The following TANC1 variants were observed in gnomAD, a reference collection of about 807,000 sequenced individuals.
TANC1 encodes protein TANC1.
A neutral mutation model predicts 149.7 loss-of-function variants in TANC1; 77 were observed. That is an observed-to-expected ratio of 0.51 (90% confidence interval 0.43 to 0.62). The LOEUF is 0.62. Among genes scored for constraint, TANC1 ranks in the 20% least tolerant of loss-of-function variants. The probability of loss-of-function intolerance (pLI) is 0.00; values close to 1 mark genes in which losing one functional copy is unlikely to be tolerated. For synonymous variants in TANC1, 854 were observed against 925.0 expected (o/e 0.92, Z 1.39); for missense variants, 1,985 against 2,321.8 (o/e 0.85, Z 2.98).
chr2:159,002,620 G>C (rs1261040545), intron 2 of TANC1, among the ~76,000 whole-genome samples: 2 of 152,242 alleles, frequency 1.3e-5, no homozygotes, highest in African/African-American at 2.4e-5. Flanking sequence ...TCTGGGTGCA[G>C]ATGTGGGTTT....
intron 2 of TANC1, among the ~76,000 whole-genome samples, chr2:159,061,703 C>T (rs752394887): frequency 5.9e-5 from 9 of 152,140 alleles, no homozygotes; most frequent in Non-Finnish European, 1.2e-4. Flanking sequence ...GGGGTGTCAG[C>T]CATGAACTTT....
intron 4 of TANC1, among the ~76,000 whole-genome samples, chr2:159,119,476 C>A (rs1262902332): frequency 2.6e-5 from 4 of 152,182 alleles, no homozygotes; most frequent in African/African-American, 9.6e-5. Context: ...TGTAATAAAT[C>A]ATTGTATATT....
intron 2 of TANC1, among the ~76,000 whole-genome samples, chr2:159,003,814 G>A (rs1043288072): frequency 1.3e-5 from 2 of 152,180 alleles, no homozygotes; most frequent in African/African-American, 2.4e-5. Flanking sequence ...TGGTGTTGGA[G>A]GACCCTCCCT....
intron 2 of TANC1, among the ~76,000 whole-genome samples, chr2:159,032,335 G>A (rs2039849917): frequency 6.6e-6 from 1 of 152,198 alleles, no homozygotes; most frequent in Non-Finnish European, 1.5e-5. Context: ...GCACATTGCA[G>A]TTGGATACAG....
At chr2:159,187,124 G>A in intron 16 of TANC1, 100 bp downstream of exon 16, 1 of 1,349,974 alleles carries the variant, frequency 7.4e-7, no homozygotes, top group South Asian at 1.4e-5. Flanking sequence ...GTGGTGGTGA[G>A]AGGACGCAGA....
intron 2 of TANC1, chr2:159,004,241 A>G: frequency 1.9e-6 from 3 of 1,612,304 alleles, no homozygotes; most frequent in Non-Finnish European, 2.5e-6. Flanking sequence ...CACCAAAACC[A>G]GAAGACATTG....
intron 12 of TANC1, 106 bp from the exon 13 acceptor site, chr2:159,176,246 A>G (rs1298492439): frequency 8.5e-6 from 5 of 591,102 alleles, no homozygotes; most frequent in Non-Finnish European, 1.1e-5. Context: ...CCATATGTAA[A>G]CCTTTTTAGT....
At chr2:159,168,153 T>A (rs2054797895) in intron 8 of TANC1, among the ~76,000 whole-genome samples, 1 of 152,218 alleles carries the variant, frequency 6.6e-6, no homozygotes, top group South Asian at 2.1e-4. Flanking sequence ...TTTTAGATTT[T>A]CCTCAATGTA....
intron 4 of TANC1, among the ~76,000 whole-genome samples, chr2:159,129,247 C>A (rs2150147888): frequency 6.6e-6 from 1 of 152,282 alleles, no homozygotes; most frequent in South Asian, 2.1e-4. Flanking sequence ...AATCCCTGCC[C>A]TTCTCCCTTT....
intron 16 of TANC1, among the ~76,000 whole-genome samples, chr2:159,188,306 G>A (rs879835373): frequency 1.3e-5 from 2 of 152,214 alleles, no homozygotes; most frequent in Non-Finnish European, 2.9e-5. Flanking sequence ...AACAATAATT[G>A]CAGTTTGCCA....
At position 159,060,907 on chromosome 2, in the gene TANC1, T is replaced by C. The variant is rs139259415; in HGVS notation, c.-15-4989T>C. On this transcript the variant is annotated intron_variant, in intron 2 of 26. Coordinates refer to ENST00000263635, the MANE Select transcript of TANC1 (RefSeq NM_033394.3). ...ATTTTGTCTAGGGTGTTTTTTGTTA[T>C]ATTTTATATGCCAACACAACATGCT... Among the ~76,000 whole-genome samples, 4 of 152,340 alleles carry C rather than the reference T, an allele frequency of 2.6e-5. No homozygotes were observed. The East Asian group carries it at 7.7e-4, about 29-fold the overall frequency.
At position 159,105,389 on chromosome 2, in the gene TANC1, A is replaced by G. The variant is rs192926138; in HGVS notation, c.259+7555A>G. 1.4e-4 allele frequency among the ~76,000 whole-genome samples: 21 copies of G among 152,318 alleles called. 2 individuals carry two copies. The highest frequency in any genetic ancestry group is 5.1e-4 in the African/African-American group (21 of 41,568). Reference sequence around the variant, plus strand: ...ATTATGGTGAAATACATATAACAAAATTGACCATCTTAACCATTTAAGTGT... The same window carrying G: ...ATTATGGTGAAATACATATAACAAAGTTGACCATCTTAACCATTTAAGTGT... On this transcript the variant is annotated intron_variant, in intron 4 of 26. Transcript: ENST00000263635.
At chr2:159,125,814 C>G (rs1415068561) in intron 4 of TANC1, among the ~76,000 whole-genome samples, 1 of 152,102 alleles carries the variant, frequency 6.6e-6, no homozygotes, top group African/African-American at 2.4e-5. Context: ...TCTCGAACTC[C>G]TGACCTCAGG....
chr2:159,030,342 GT>G (rs770023035), intron 2 of TANC1, among the ~76,000 whole-genome samples: 2 of 152,288 alleles, frequency 1.3e-5, no homozygotes, highest in East Asian at 3.9e-4. Context: ...GAAGGTTGCT[GT>G]TTTTTATGTT....
intron 26 of TANC1, among the ~76,000 whole-genome samples, chr2:159,229,145 T>TA (rs1441102392): frequency 3.3e-5 from 5 of 152,104 alleles, no homozygotes; most frequent in African/African-American, 1.2e-4. Flanking sequence ...ACGTGAAACT[T>TA]ACTGCAACAT....
chr2:159,081,422 A>G (rs1028616746), intron 3 of TANC1, among the ~76,000 whole-genome samples: 1 of 151,872 alleles, frequency 6.6e-6, no homozygotes, highest in Non-Finnish European at 1.5e-5. Context: ...GCCAAAGTAA[A>G]GGCTGGCTGT....
In TANC1 at chr2:159,231,429, C is replaced by T. The variant is rs114197649; in HGVS notation, c.*417C>T. 790 of 157,204 alleles carry T rather than the reference C, an allele frequency of 5.0e-3. 3 individuals carry two copies. Among genetic ancestry groups the T allele is most frequent in the Middle Eastern group, 0.014 (4 of 296 alleles). 9.7% of individuals were successfully genotyped at this position (157,204 alleles called of 1,614,324 possible). A position where few individuals can be genotyped will look rare whatever the true frequency, so the allele number is the denominator to read the frequency against. ...ACATCCAAGTGATGTATTCTGGAAA[C>T]GATGGAATTTTACAGTTACAGTTCC... On this transcript the variant is annotated 3_prime_UTR_variant, in exon 27 of 27. Transcript: ENST00000263635.
intron 1 of TANC1, among the ~76,000 whole-genome samples, chr2:158,989,914 G>C (rs1388375869): frequency 6.6e-6 from 1 of 150,624 alleles, no homozygotes; most frequent in African/African-American, 2.4e-5. Context: ...TCTGTAAAAT[G>C]GGGATTTTTT....
chr2:159,178,012 ACCAAAGT>A lies in TANC1; in HGVS notation c.1903-543_1903-537del, dbSNP rs575707038. 2.5e-3 allele frequency among the ~76,000 whole-genome samples: 388 copies of A among 152,394 alleles called. 1 individual carries two copies. The highest frequency in any genetic ancestry group is 4.6e-3 in the Non-Finnish European group (314 of 68,044). On this transcript the variant is annotated intron_variant, in intron 13 of 26. Transcript: ENST00000263635. The stretch of plus-strand genomic sequence containing the variant: ...AGCAATTCATAAAATAACGTGCTAT[ACCAAAGT>A]AGGCAGCTTTGTTAAGATGCGCTGT...
Sources: allele counts gnomAD v4.1 joint callset (sites outside exome capture counted in the v4.1 genomes callset), GRCh38; gene constraint gnomAD v4.1.1; transcripts MANE v1.5; gene names NCBI Gene and HGNC (gene_info 2026-07-23, HGNC 2026-07-21).